CSMD1: variants seen among roughly 807,000 people sequenced by gnomAD.
The protein encoded by CSMD1 is CUB and sushi domain-containing protein 1.
Under a neutral mutation model 417.5 loss-of-function variants are expected in CSMD1, and 213 were observed. The ratio of observed to expected loss-of-function variants is 0.51; its 90% CI spans 0.46 to 0.57. The LOEUF (loss-of-function observed/expected upper bound fraction) is 0.57, where lower values mean the gene tolerates loss of function less well. Ranked by LOEUF, CSMD1 falls within the 20% of genes least tolerant of loss-of-function variation. The pLI is 0.00. For synonymous variants in CSMD1, 2,862 were observed against 1,736.8 expected (o/e 1.65, Z -16.11); for missense variants, 6,923 against 4,529.7 (o/e 1.53, Z -15.17).
chr8:4,262,606 C>G (rs564536912), intron 3 of CSMD1, among the ~76,000 whole-genome samples: 2 of 152,194 alleles, frequency 1.3e-5, no homozygotes, highest in South Asian at 4.1e-4. Flanking sequence ...TCTTCAGGAC[C>G]CTGGAGCTTC....
At position 3,320,856 on chromosome 8, in the gene CSMD1, C is replaced by T. The variant is rs370623774; in HGVS notation, c.3632-12353G>A. Among the ~76,000 whole-genome samples, 12 of 152,328 alleles carry T rather than the reference C, an allele frequency of 7.9e-5. No individual in the cohort carries two copies. The South Asian group carries it at 2.1e-3, about 26-fold the overall frequency. On this transcript the variant is annotated intron_variant, in intron 23 of 69. Coordinates refer to ENST00000635120, the MANE Select transcript of CSMD1 (RefSeq NM_033225.6). Reference sequence around the variant, plus strand: ...GGTCATCCTGCCTATGGGGATACAACGCCTGCTTGCCGCACACTTTTGCCC... The same window carrying T: ...GGTCATCCTGCCTATGGGGATACAATGCCTGCTTGCCGCACACTTTTGCCC...
intron 7 of CSMD1, among the ~76,000 whole-genome samples, chr8:3,633,848 T>C (rs1214988602): frequency 6.6e-6 from 1 of 152,208 alleles, no homozygotes. Context: ...AATATCAGGC[T>C]GTGAACATCA....
At chr8:3,772,544 CATATATACAT>C (rs1351977050) in intron 5 of CSMD1, among the ~76,000 whole-genome samples, 4 of 47,638 alleles carry the variant, frequency 8.4e-5, no homozygotes, top group Non-Finnish European at 2.1e-4. Flanking sequence ...CATATATACA[CATATATACAT>C]ATATACATAT....
chr8:4,411,589 C>CA (rs1340046853), intron 3 of CSMD1, among the ~76,000 whole-genome samples: 6 of 152,202 alleles, frequency 3.9e-5, no homozygotes, highest in African/African-American at 1.2e-4. Flanking sequence ...AGCTAAATAA[C>CA]AGTTATACGG....
At chr8:3,334,610 G>A (rs1338679805) in intron 23 of CSMD1, among the ~76,000 whole-genome samples, 1 of 152,218 alleles carries the variant, frequency 6.6e-6, no homozygotes, top group Non-Finnish European at 1.5e-5. Context: ...ACGTTGTAAT[G>A]TCTTCAGAAT....
At chr8:4,530,145 C>A (rs542622471) in intron 2 of CSMD1, among the ~76,000 whole-genome samples, 1 of 151,750 alleles carries the variant, frequency 6.6e-6, no homozygotes, top group Non-Finnish European at 1.5e-5. Context: ...GATCTCCTGA[C>A]CTTGTGATCT....
intron 3 of CSMD1, among the ~76,000 whole-genome samples, chr8:4,034,278 T>G (rs914456752): frequency 2.6e-5 from 4 of 152,198 alleles, no homozygotes; most frequent in Non-Finnish European, 5.9e-5. Flanking sequence ...ATACTAGTGT[T>G]TAGATATTGA....
At chr8:3,341,194 G>T (rs1807619320) in intron 23 of CSMD1, among the ~76,000 whole-genome samples, 1 of 152,090 alleles carries the variant, frequency 6.6e-6, no homozygotes, top group Non-Finnish European at 1.5e-5. Flanking sequence ...TCTGGGTGAG[G>T]GAGGGTGGAC....
At chr8:3,788,437 C>T (rs1232839048) in intron 5 of CSMD1, among the ~76,000 whole-genome samples, 4 of 152,108 alleles carry the variant, frequency 2.6e-5, no homozygotes, top group African/African-American at 9.7e-5. Context: ...ACAGAAGAAC[C>T]AGCTGAGATA....
intron 10 of CSMD1, among the ~76,000 whole-genome samples, chr8:3,519,060 A>C (rs1229132798): frequency 6.6e-6 from 1 of 152,182 alleles, no homozygotes; most frequent in Non-Finnish European, 1.5e-5. Context: ...AATCCTCTTA[A>C]AACCAGAGTT....
intron 12 of CSMD1, among the ~76,000 whole-genome samples, chr8:3,414,794 A>G (rs1039439965): frequency 1.3e-5 from 2 of 152,076 alleles, no homozygotes; most frequent in African/African-American, 4.8e-5. Flanking sequence ...CAGCCTTCAC[A>G]CCTGCTGTAA....
chr8:4,588,843 G>C (rs1457633064), intron 2 of CSMD1, among the ~76,000 whole-genome samples: 1 of 151,714 alleles, frequency 6.6e-6, no homozygotes, highest in African/African-American at 2.4e-5. Context: ...CTGTTCACAG[G>C]CTGCTGCTCA....
chr8:4,712,199 C>G (rs1335355392), intron 1 of CSMD1, among the ~76,000 whole-genome samples: 1 of 152,200 alleles, frequency 6.6e-6, no homozygotes, highest in African/African-American at 2.4e-5. Context: ...GTCTGCGAAT[C>G]CATTAGCTCT....
chr8:3,900,057 T>C (rs1303455022), intron 5 of CSMD1, among the ~76,000 whole-genome samples: 1 of 151,846 alleles, frequency 6.6e-6, no homozygotes, highest in African/African-American at 2.4e-5. Context: ...ATGCTGTAGC[T>C]GGGTAACACT....
chr8:3,114,635 G>C (rs911357455), intron 42 of CSMD1, among the ~76,000 whole-genome samples: 8 of 151,910 alleles, frequency 5.3e-5, no homozygotes, highest in Non-Finnish European at 8.8e-5. Context: ...GAAATTGCCG[G>C]TTGGTAATGG....
chr8:3,384,741 A>G (rs1280259509), intron 18 of CSMD1, among the ~76,000 whole-genome samples: 3 of 125,500 alleles, frequency 2.4e-5, no homozygotes, highest in African/African-American at 9.2e-5. Flanking sequence ...ATATTATATA[A>G]ATATATATTT....
At chr8:3,012,831 A>G (rs1808505166) in intron 52 of CSMD1, among the ~76,000 whole-genome samples, 1 of 152,154 alleles carries the variant, frequency 6.6e-6, no homozygotes, top group Non-Finnish European at 1.5e-5. Flanking sequence ...TCCCCACCCA[A>G]ATCTCACCTT....
At chr8:3,261,968 T>C (rs1801099026) in intron 26 of CSMD1, among the ~76,000 whole-genome samples, 1 of 151,850 alleles carries the variant, frequency 6.6e-6, no homozygotes, top group Non-Finnish European at 1.5e-5. Flanking sequence ...GATAGTGAAC[T>C]CTAGTTCTAC....
intron 1 of CSMD1, among the ~76,000 whole-genome samples, chr8:4,836,388 T>G (rs1251774238): frequency 6.6e-6 from 1 of 152,196 alleles, no homozygotes; most frequent in African/African-American, 2.4e-5. Context: ...TGACTGACAC[T>G]GACGCCTCAG....
Sources: gnomAD v4.1 joint callset for allele counts (sites outside exome capture counted in the v4.1 genomes callset) on GRCh38, gnomAD v4.1.1 for gene constraint, MANE v1.5 for transcripts, NCBI Gene and HGNC (gene_info 2026-07-23, HGNC 2026-07-21) for gene names.